Variants in ROBO2 observed in about 807,000 individuals in gnomAD.
The protein encoded by ROBO2 is roundabout homolog 2.
A neutral mutation model predicts 160.8 loss-of-function variants in ROBO2; 53 were observed. That is an observed-to-expected ratio of 0.33 (90% CI 0.26 to 0.41). ROBO2 has a LOEUF of 0.41. ROBO2 is among the 10% of genes least tolerant of loss of function. The pLI, the probability that ROBO2 is intolerant of heterozygous loss-of-function variation, is 1.00. For missense variants in ROBO2, 1,577 were observed against 1,722.4 expected, an observed-to-expected ratio of 0.92 and a Z score of 1.49; for synonymous variants, 664 against 611.7, an observed-to-expected ratio of 1.09 and a Z score of -1.26.
At chr3:77,103,488 G>C (rs555455923) in intron 2 of ROBO2, among the ~76,000 whole-genome samples, 15 of 150,408 alleles carry the variant, frequency 1.0e-4, no homozygotes, top group African/African-American at 3.7e-4. Flanking sequence ...CCTTTGCTTT[G>C]ATAAATAAAA....
intron 1 of ROBO2, among the ~76,000 whole-genome samples, chr3:77,078,055 T>C (rs975909893): frequency 6.6e-6 from 1 of 152,178 alleles, no homozygotes; most frequent in African/African-American, 2.4e-5. Flanking sequence ...AGGTCACTGT[T>C]TTCACACAAG....
At chr3:76,193,250 T>A (rs948800699) in intron 2 of ROBO2, among the ~76,000 whole-genome samples, 4 of 152,198 alleles carry the variant, frequency 2.6e-5, no homozygotes, top group African/African-American at 9.6e-5. Flanking sequence ...TTGTATTTGG[T>A]GGTATTCACT....
chr3:76,152,141 C>T (rs998380144), intron 2 of ROBO2, among the ~76,000 whole-genome samples: 2 of 152,268 alleles, frequency 1.3e-5, no homozygotes. Context: ...ATCCTTAATG[C>T]ACTTCCAGGG....
rs569719735 is a variant in ROBO2 at position 76,371,192 on chromosome 3, G to A, written c.109+433590G>A. ...CTCTTTAATCTGAGCACAAGGGTTA[G>A]AAGTGCAAGAAGAAGTTTGCTTCAT... On this transcript the variant is annotated intron_variant, in intron 2 of 26. Transcript: ENST00000487694. Among the ~76,000 whole-genome samples, 16 of 152,086 alleles carry A rather than the reference G, an allele frequency of 1.1e-4. No homozygotes were observed. In the East Asian group the frequency reaches 1.4e-3, roughly 13 times the overall value.
intron 2 of ROBO2, among the ~76,000 whole-genome samples, chr3:77,246,361 T>TGTG (rs1560333033): frequency 1.4e-5 from 1 of 71,148 alleles, no homozygotes; most frequent in South Asian, 4.5e-4. Flanking sequence ...GTGTGTGTGT[T>TGTG]TTGCATGTTG....
intron 2 of ROBO2, among the ~76,000 whole-genome samples, chr3:76,067,369 G>A (rs2068288329): frequency 6.6e-6 from 1 of 152,126 alleles, no homozygotes; most frequent in South Asian, 2.1e-4. Context: ...GGACTAAGAG[G>A]AAACTTTTTG....
chr3:76,292,963 GT>G (rs5850246), intron 2 of ROBO2, among the ~76,000 whole-genome samples: 733 of 141,608 alleles, frequency 5.2e-3, no homozygotes, highest in Middle Eastern at 0.015. Context: ...AAGTACTAGG[GT>G]TTTTTTTTTT....
rs1009828778 is a variant in ROBO2, at chr3:76,333,558, A to C, written c.109+395956A>C. On this transcript the variant is annotated intron_variant, in intron 2 of 26. Transcript: ENST00000487694. ...AAAGATGTGGTTGCTGATCTTAAGG[A>C]GCCTCAATGATTGCTATAAAGAGTT... 2.1e-4 allele frequency among the ~76,000 whole-genome samples: 32 copies of C among 152,172 alleles called. 1 individual carries two copies. Among genetic ancestry groups the C allele is most frequent in the Admixed American group, 6.5e-4 (10 of 15,278 alleles).
At chr3:77,167,233 A>G (rs1037099124) in intron 2 of ROBO2, among the ~76,000 whole-genome samples, 26 of 152,170 alleles carry the variant, frequency 1.7e-4, no homozygotes, top group Admixed American at 1.7e-3. Context: ...TGAAGTTAGT[A>G]TTACTACCAT....
At chr3:77,191,828 T>C (rs1264924417) in intron 2 of ROBO2, among the ~76,000 whole-genome samples, 1 of 152,178 alleles carries the variant, frequency 6.6e-6, no homozygotes, top group Non-Finnish European at 1.5e-5. Context: ...TTGAAAATCC[T>C]TACAATGAAG....
intron 2 of ROBO2, among the ~76,000 whole-genome samples, chr3:76,976,834 C>CA: frequency 6.6e-6 from 1 of 152,238 alleles, no homozygotes; most frequent in Admixed American, 6.5e-5. Context: ...ACTATGTGAT[C>CA]ATCTTGAAAC....
In ROBO2 at chr3:77,340,131, TC is replaced by T. The variant is rs546161824; in HGVS notation, c.389-137282del. On this transcript the variant is annotated intron_variant, in intron 2 of 25. Transcript: ENST00000461745. ...TTGCTATCATAAGTGGTAAGATTGC[TC>T]AATTCGTATTAGCTATAACACAAGT... 8.6e-4 allele frequency among the ~76,000 whole-genome samples: 131 copies of T among 152,258 alleles called. 1 individual carries two copies. The highest frequency in any genetic ancestry group is 3.0e-3 in the African/African-American group (125 of 41,584).
intron 2 of ROBO2, among the ~76,000 whole-genome samples, chr3:76,640,279 C>T (rs1181095714): frequency 6.6e-6 from 1 of 152,106 alleles, no homozygotes; most frequent in African/African-American, 2.4e-5. Context: ...GCCTGTAATC[C>T]CAACACTTTG....
intron 2 of ROBO2, among the ~76,000 whole-genome samples, chr3:76,393,781 C>T (rs1475024741): frequency 6.6e-6 from 1 of 152,104 alleles, no homozygotes; most frequent in Non-Finnish European, 1.5e-5. Flanking sequence ...CTTTAGGACT[C>T]ATGTCAGTTC....
At chr3:76,977,496 G>T (rs1240931154) in intron 2 of ROBO2, among the ~76,000 whole-genome samples, 2 of 152,104 alleles carry the variant, frequency 1.3e-5, no homozygotes, top group Non-Finnish European at 2.9e-5. Context: ...CATGGGTGCT[G>T]GTGCAAAGAA....
rs149518943 is a variant in ROBO2 at position 76,178,872 on chromosome 3, C to T, written c.109+241270C>T. ...AGGAGAATCGCTTGAACCTGAGAGG[C>T]GGAGGTTGCAATGAGCTGAGGTCGT... On this transcript the variant is annotated intron_variant, in intron 2 of 26. Transcript: ENST00000487694. Among the ~76,000 whole-genome samples the T allele has an allele frequency of 4.7e-3, 713 of 152,038 alleles. 21 individuals are homozygous for T. The highest frequency in any genetic ancestry group is 0.041 in the Admixed American group (623 of 15,258).
intron 2 of ROBO2, among the ~76,000 whole-genome samples, chr3:76,534,820 A>G (rs1161636354): frequency 6.6e-6 from 1 of 152,044 alleles, no homozygotes; most frequent in East Asian, 1.9e-4. Flanking sequence ...TCCTGAGAGA[A>G]CCTTAGGGGT....
At chr3:77,388,808 T>TA (rs1422203529) in intron 2 of ROBO2, among the ~76,000 whole-genome samples, 2 of 152,210 alleles carry the variant, frequency 1.3e-5, no homozygotes, top group African/African-American at 4.8e-5. Flanking sequence ...ATAAAATCTA[T>TA]AAAAAATTTG....
intron 2 of ROBO2, among the ~76,000 whole-genome samples, chr3:76,808,880 T>C (rs2064948520): frequency 6.6e-6 from 1 of 151,944 alleles, no homozygotes; most frequent in African/African-American, 2.4e-5. Context: ...GGAAAATAAA[T>C]ATGGAAATGA....
Sources: allele counts gnomAD v4.1 joint callset (sites outside exome capture counted in the v4.1 genomes callset), GRCh38; gene constraint gnomAD v4.1.1; transcripts MANE v1.5; gene names NCBI Gene and HGNC (gene_info 2026-07-23, HGNC 2026-07-21).